DST: variants seen among roughly 807,000 people sequenced by gnomAD.
DST encodes bullous pemphigoid antigen.
A neutral mutation model predicts 875.2 loss-of-function variants in DST; 253 were observed. The observed-to-expected ratio is 0.29, with a 90% confidence interval of 0.26 to 0.32. The LOEUF is 0.32. DST is among the 10% of genes least tolerant of loss of function. The probability of loss-of-function intolerance (pLI) is 1.00; values close to 1 mark genes in which losing one functional copy is unlikely to be tolerated. For synonymous variants in DST, 3,124 were observed against 3,197.1 expected (o/e 0.98, Z 0.77); for missense variants, 8,287 against 9,111.6 (o/e 0.91, Z 3.68).
chr6:56,879,196 C>T (rs1391781202), intron 3 of DST, among the ~76,000 whole-genome samples: 7 of 152,150 alleles, frequency 4.6e-5, no homozygotes, highest in Non-Finnish European at 7.4e-5. Flanking sequence ...CGGCCAGGCG[C>T]GGTGGCTCAT....
intron 4 of DST, among the ~76,000 whole-genome samples, chr6:56,799,019 A>T (rs2099743712): frequency 6.6e-6 from 1 of 152,252 alleles, no homozygotes; most frequent in Non-Finnish European, 1.5e-5. Flanking sequence ...CTTCTTATGG[A>T]TCAGCAAAGA....
chr6:56,720,059 A>G (rs1368212307), intron 5 of DST, among the ~76,000 whole-genome samples: 1 of 152,098 alleles, frequency 6.6e-6, no homozygotes, highest in Non-Finnish European at 1.5e-5. Flanking sequence ...ATTAGGCGGG[A>G]ATTTCCTCTT....
chr6:56,953,761 G>T (rs1231068481), intron 2 of DST, 24 bp downstream of exon 2: 2 of 1,309,880 alleles, frequency 1.5e-6, no homozygotes, highest in South Asian at 1.2e-5. Flanking sequence ...TTCTGACCTT[G>T]AGCGTGCGCG....
chr6:56,471,191 T>A lies in DST; in HGVS notation c.22236A>T (p.Arg7412=). The change falls in exon 95 of 104, where the codon CGA becomes CGT. Residue 7412 remains arginine (R), a synonymous_variant. Coordinates refer to ENST00000680361, the MANE Select transcript of DST (RefSeq NM_001374736.1). ...YMRWMNHKKS[R]VMDFFRRIDK... ...CAATTCTCCTGAAGAAGTCCATCAC[T>A]CGAGATTTCTTGTGATTCATCCATC... 1 of 1,606,438 alleles carries A rather than the reference T, an allele frequency of 6.2e-7. No individual in the cohort carries two copies. Among genetic ancestry groups the A allele is most frequent in the Non-Finnish European group, 8.5e-7 (1 of 1,175,740 alleles).
intron 2 of DST, among the ~76,000 whole-genome samples, chr6:56,930,493 T>C (rs944727252): frequency 6.6e-6 from 1 of 152,220 alleles, no homozygotes; most frequent in African/African-American, 2.4e-5. Flanking sequence ...AATCTTTAGT[T>C]ATATCTTCCT....
At chr6:56,755,246 T>C (rs2099598980) in intron 4 of DST, among the ~76,000 whole-genome samples, 1 of 152,112 alleles carries the variant, frequency 6.6e-6, no homozygotes. Context: ...GTAACAGACC[T>C]GTGGGCACGC....
intron 4 of DST, among the ~76,000 whole-genome samples, chr6:56,844,600 C>T (rs553910364): frequency 6.6e-6 from 1 of 152,240 alleles, no homozygotes; most frequent in African/African-American, 2.4e-5. Context: ...ACTGGCCGGG[C>T]GCGGTGTCTC....
chr6:56,461,882 T>G (rs1274098791), intron 102 of DST: 1 of 152,206 alleles, frequency 6.6e-6, no homozygotes, highest in African/African-American at 2.4e-5. Context: ...ATGAGGGGCT[T>G]GGGAAAATGA....
chr6:56,574,241 A>G (rs901160695), intron 50 of DST, among the ~76,000 whole-genome samples: 2 of 152,178 alleles, frequency 1.3e-5, no homozygotes, highest in Non-Finnish European at 2.9e-5. Context: ...TCAATCTGAC[A>G]TTTCACATTA....
At chr6:56,793,259 T>C (rs1053705276) in intron 4 of DST, among the ~76,000 whole-genome samples, 3 of 152,066 alleles carry the variant, frequency 2.0e-5, no homozygotes, top group East Asian at 3.9e-4. Context: ...GAGTTGAAAA[T>C]GGTATTATGA....
intron 3 of DST, among the ~76,000 whole-genome samples, chr6:56,870,463 G>C (rs1776526199): frequency 6.8e-6 from 1 of 148,028 alleles, no homozygotes; most frequent in Non-Finnish European, 1.5e-5. Context: ...AAGAGCTCAT[G>C]GTAAAAAGTC....
Position 56,954,579 on chromosome 6 carries a change from G to A in DST, c.9C>T (p.Ala3=). 3 of 1,358,942 alleles carry A rather than the reference G, an allele frequency of 2.2e-6. No homozygotes were observed. The highest frequency in any genetic ancestry group is 1.1e-5 in the South Asian group (1 of 87,120). The allele number at this position is 1,358,942 out of a possible 1,614,324, so 84.2% of individuals were successfully genotyped here. A position where few individuals can be genotyped will look rare whatever the true frequency, so the allele number is the denominator to read the frequency against. MI[A]AAFLVLLRPY... ...GTCTCAGCAAGACGAGGAAAGCCGCGGCGATCATGGTGCGGGCGAGGCGAG... is the reference window on the plus strand; with the variant it reads ...GTCTCAGCAAGACGAGGAAAGCCGCAGCGATCATGGTGCGGGCGAGGCGAG... Residue 3 remains alanine (A), a synonymous_variant, in exon 1 of 104, where the codon GCC becomes GCT. Coordinates refer to ENST00000680361, the MANE Select transcript of DST (RefSeq NM_001374736.1).
chr6:56,662,638 C>T (rs2099050303), intron 10 of DST, among the ~76,000 whole-genome samples: 1 of 152,134 alleles, frequency 6.6e-6, no homozygotes, highest in African/African-American at 2.4e-5. Context: ...CCTTACATCA[C>T]ATCTATAAAG....
chr6:56,800,543 A>C (rs1296799004), intron 4 of DST, among the ~76,000 whole-genome samples: 3 of 152,166 alleles, frequency 2.0e-5, no homozygotes, highest in Non-Finnish European at 2.9e-5. Context: ...GGATGAGAAC[A>C]TCCCCAGCGA....
intron 69 of DST, 117 bp downstream of exon 69, chr6:56,526,243 AT>A (rs2096794979): frequency 1.2e-5 from 14 of 1,133,398 alleles, no homozygotes; most frequent in Non-Finnish European, 1.7e-5. Flanking sequence ...CCACTCTTTC[AT>A]TTTGGAAGCA....
rs1212270836 is a variant in DST at position 56,458,057 on chromosome 6, TAATA to T, written c.*944_*947del. 6.6e-6 allele frequency: 1 copy of T among 152,430 alleles called. No homozygotes were observed. The highest frequency in any genetic ancestry group is 1.5e-5 in the Non-Finnish European group (1 of 68,008). The allele number at this position is 152,430 out of a possible 1,614,324, so 9.4% of individuals were successfully genotyped here. On this transcript the variant is annotated 3_prime_UTR_variant, in exon 104 of 104. Coordinates refer to ENST00000680361, the MANE Select transcript of DST (RefSeq NM_001374736.1). ...TCTTTCTATAGTATGTGAGTACACA[TAATA>T]AATTAAAATGTATATATTTATTAAA...
intron 2 of DST, among the ~76,000 whole-genome samples, chr6:56,903,350 T>A (rs2613121): frequency 4.6e-5 from 7 of 151,986 alleles, no homozygotes; most frequent in African/African-American, 1.7e-4. Context: ...AAACATGCTG[T>A]CACAGCCATT....
chr6:56,752,961 T>C (rs2099592121), intron 4 of DST, among the ~76,000 whole-genome samples: 1 of 152,050 alleles, frequency 6.6e-6, no homozygotes, highest in African/African-American at 2.4e-5. Context: ...CTGGCTAATT[T>C]TGTATTTTTA....
chr6:56,541,075 A>G (rs2097118580), intron 61 of DST: 1 of 152,658 alleles, frequency 6.6e-6, no homozygotes, highest in Admixed American at 6.5e-5. Context: ...CCTTGGTAAC[A>G]GCATCTGACA....
Sources: gnomAD v4.1 joint callset for allele counts (sites outside exome capture counted in the v4.1 genomes callset) on GRCh38, gnomAD v4.1.1 for gene constraint, MANE v1.5 for transcripts, NCBI Gene and HGNC (gene_info 2026-07-23, HGNC 2026-07-21) for gene names.